The following GRM7 variants were observed in gnomAD, a reference collection of about 807,000 sequenced individuals.
GRM7 encodes metabotropic glutamate receptor 7.
GRM7 carries 35 observed loss-of-function variants against 84.5 expected under a neutral mutation model. That is an observed-to-expected ratio of 0.41 (90% confidence interval 0.32 to 0.55). The LOEUF is 0.55. GRM7 is among the 20% of genes least tolerant of loss of function. The probability of loss-of-function intolerance (pLI) is 0.19; values close to 1 mark genes in which losing one functional copy is unlikely to be tolerated. For synonymous variants in GRM7, 487 were observed against 455.1 expected, an observed-to-expected ratio of 1.07 and a Z score of -0.89; for missense variants, 1,003 against 1,194.6, an observed-to-expected ratio of 0.84 and a Z score of 2.36.
chr3:7,434,657 A>G (rs1374346019), intron 5 of GRM7, among the ~76,000 whole-genome samples: 1 of 152,156 alleles, frequency 6.6e-6, no homozygotes, highest in Non-Finnish European at 1.5e-5. Context: ...ATCATGATGT[A>G]TCTATTTTTT....
intron 4 of GRM7, among the ~76,000 whole-genome samples, chr3:7,413,045 T>C (rs1184382320): frequency 6.6e-6 from 1 of 152,130 alleles, no homozygotes; most frequent in African/African-American, 2.4e-5. Context: ...TTTCTGCTTC[T>C]ACCCCTGACT....
chr3:7,327,036 T>C (rs1163901180), intron 4 of GRM7, among the ~76,000 whole-genome samples: 1 of 152,222 alleles, frequency 6.6e-6, no homozygotes, highest in Non-Finnish European at 1.5e-5. Flanking sequence ...TGTTCATCAC[T>C]AGCATGGTGC....
At position 7,037,217 on chromosome 3, in the gene GRM7, G is replaced by GA. The variant is rs370217347; in HGVS notation, c.520-109229dup. 1.4e-4 allele frequency among the ~76,000 whole-genome samples: 22 copies of GA among 152,138 alleles called. 1 individual carries two copies. Among genetic ancestry groups the GA allele is most frequent in the Middle Eastern group, 3.4e-3 (1 of 294 alleles). On this transcript the variant is annotated intron_variant, in intron 1 of 9. Transcript: ENST00000357716. ...ATGGGCTTTCCATTAGCTTCATTTA[G>GA]AAAAAAGACTTGTTTGTCAGTTTGA... is the stretch of plus-strand genomic sequence containing the variant.
At position 6,861,525 on chromosome 3, in the gene GRM7, A is replaced by G. The variant is rs757273621; in HGVS notation, c.137A>G (p.Glu46Gly). 2.5e-6 allele frequency: 4 copies of G among 1,579,728 alleles called. No individual in the cohort carries two copies. The highest frequency in any genetic ancestry group is 3.4e-6 in the Non-Finnish European group (4 of 1,163,842). ...EMYAPHSIRI[E>G]GDVTLGGLFP... is the part of the protein sequence containing the mutation. ...TACGCCCCGCACTCAATCCGGATCG[A>G]GGGGGACGTCACCCTCGGGGGGCTG... Residue 46 changes from glutamate (E) to glycine (G), a missense_variant, in exon 1 of 10, where the codon GAG (glutamate) becomes GGG (glycine). Physicochemically the swap from Glu to Gly is moderately conservative, Grantham distance 98 (BLOSUM62 -2). Transcript: ENST00000357716. The surrounding 1 kb of genome is among the most constrained non-coding windows in gnomAD (Gnocchi z 6.4).
At chr3:7,382,963 A>G (rs1434345699) in intron 4 of GRM7, among the ~76,000 whole-genome samples, 2 of 152,184 alleles carry the variant, frequency 1.3e-5, no homozygotes, top group Non-Finnish European at 2.9e-5. Context: ...CTGTGACTTC[A>G]AGGAGAGGAA....
At chr3:7,093,049 C>CAATT (rs1442997005) in intron 1 of GRM7, among the ~76,000 whole-genome samples, 1 of 152,132 alleles carries the variant, frequency 6.6e-6, no homozygotes, top group African/African-American at 2.4e-5. Flanking sequence ...GGTAACAGAA[C>CAATT]AAGACCCTGT....
chr3:7,241,624 G>C (rs1274710771), intron 2 of GRM7, among the ~76,000 whole-genome samples: 1 of 152,024 alleles, frequency 6.6e-6, no homozygotes, highest in Non-Finnish European at 1.5e-5. Flanking sequence ...CAGGCTACCT[G>C]CTTGGGTGAG....
At chr3:7,145,382 G>A (rs1266853865) in intron 1 of GRM7, among the ~76,000 whole-genome samples, 1 of 152,146 alleles carries the variant, frequency 6.6e-6, no homozygotes, top group Non-Finnish European at 1.5e-5. Flanking sequence ...ATGTTACGGT[G>A]CTTTGAAGAG....
Position 7,302,931 on chromosome 3 carries a change from A to ATT in GRM7, c.879-3544_879-3543dup, listed in dbSNP as rs761399796. Reference sequence around the variant, plus strand: ...AGAAGTATTAACATTTGATTGTTCTATTTTTTTTTTTTTTTTTTTTTTTTG... The same window carrying ATT: ...AGAAGTATTAACATTTGATTGTTCTATTTTTTTTTTTTTTTTTTTTTTTTTTG... On this transcript the variant is annotated intron_variant, in intron 3 of 9. Coordinates refer to ENST00000357716, the MANE Select transcript of GRM7 (RefSeq NM_000844.4). Among the ~76,000 whole-genome samples the ATT allele has an allele frequency of 3.4e-3, 412 of 121,796 alleles. 15 individuals are homozygous for ATT. The highest frequency in any genetic ancestry group is 0.014 in the African/African-American group (381 of 27,108). The allele number at this position is 121,796 out of a possible 152,430, so 79.9% of individuals were successfully genotyped here.
rs181593844 is a variant in GRM7, at chr3:7,517,141, C to T, written c.1515+55419C>T. On this transcript the variant is annotated intron_variant, in intron 7 of 9. Transcript: ENST00000357716. ...GGAGAAAGTGGACAAGTCAAGGCTA[C>T]GCAAATCACACTGACACCCCAAATG... Among the ~76,000 whole-genome samples, 388 of 152,290 alleles carry T rather than the reference C, an allele frequency of 2.5e-3. 1 individual carries two copies. Among genetic ancestry groups the T allele is most frequent in the Admixed American group, 4.8e-3 (73 of 15,308 alleles).
At chr3:7,023,626 G>C (rs1695862495) in intron 1 of GRM7, among the ~76,000 whole-genome samples, 1 of 152,170 alleles carries the variant, frequency 6.6e-6, no homozygotes, top group African/African-American at 2.4e-5. Context: ...AACCATGCTG[G>C]TTCCTTCTGA....
In GRM7 at chr3:7,016,122, CT is replaced by C. The variant is rs1188357286; in HGVS notation, c.520-130329del. Among the ~76,000 whole-genome samples the C allele has an allele frequency of 0.011, 3 of 280 alleles. No individual in the cohort carries two copies. The East Asian group carries it at 0.11, about 10-fold the overall frequency. 0.2% of individuals were successfully genotyped at this position (280 alleles called of 152,430 possible). A position where few individuals can be genotyped will look rare whatever the true frequency, so the allele number is the denominator to read the frequency against. On this transcript the variant is annotated intron_variant, in intron 1 of 9. Transcript: ENST00000357716. ...TACGCAGTTTATTAAGGGCTTTGATCTATCTGGGCTAAAATCCCAGCTAGTT... is the reference window on the plus strand; with the variant it reads ...TACGCAGTTTATTAAGGGCTTTGATCATCTGGGCTAAAATCCCAGCTAGTT...
intron 2 of GRM7, among the ~76,000 whole-genome samples, chr3:7,192,396 G>T (rs1460226929): frequency 6.6e-6 from 1 of 152,082 alleles, no homozygotes; most frequent in Non-Finnish European, 1.5e-5. Flanking sequence ...TCCAAGATAT[G>T]TATTTTATCC....
At chr3:7,249,715 TG>T (rs1697907648) in intron 2 of GRM7, among the ~76,000 whole-genome samples, 1 of 151,884 alleles carries the variant, frequency 6.6e-6, no homozygotes, top group East Asian at 1.9e-4. Flanking sequence ...AAAAAAACTG[TG>T]GAAATTAACA....
intron 9 of GRM7, chr3:7,694,406 C>A: frequency 1.0e-6 from 1 of 956,666 alleles, no homozygotes; most frequent in Non-Finnish European, 1.2e-6. Context: ...TCTATTTGGT[C>A]TCTTGTACCC....
chr3:7,012,534 G>C (rs1695410288), intron 1 of GRM7, among the ~76,000 whole-genome samples: 1 of 152,016 alleles, frequency 6.6e-6, no homozygotes. Context: ...AAGCAGGAAG[G>C]CCTTTCTGAC....
At chr3:7,401,338 A>G (rs940162481) in intron 4 of GRM7, among the ~76,000 whole-genome samples, 2 of 152,174 alleles carry the variant, frequency 1.3e-5, no homozygotes, top group Non-Finnish European at 2.9e-5. Context: ...GAAAGTTGTC[A>G]GTAGGGCTGT....
intron 7 of GRM7, among the ~76,000 whole-genome samples, chr3:7,547,163 C>G (rs1693192924): frequency 6.8e-6 from 1 of 148,040 alleles, no homozygotes; most frequent in African/African-American, 2.5e-5. Context: ...GCACAGTGGC[C>G]TTTCTCAGCA....
At chr3:7,499,739 A>G (rs1269547995) in intron 7 of GRM7, among the ~76,000 whole-genome samples, 3 of 151,254 alleles carry the variant, frequency 2.0e-5, no homozygotes, top group East Asian at 1.9e-4. Flanking sequence ...TCCAGCAAAA[A>G]CCTCACAGTT....
Sources: gnomAD v4.1 joint callset for allele counts (sites outside exome capture counted in the v4.1 genomes callset) on GRCh38, gnomAD v4.1.1 for gene constraint, Gnocchi (gnomAD v3.1) non-coding constraint, MANE v1.5 for transcripts, NCBI Gene and HGNC (gene_info 2026-07-23, HGNC 2026-07-21) for gene names.